Variants in PUDP observed in about 807,000 individuals in gnomAD.
PUDP encodes pseudouridine-5'-phosphatase.
A neutral mutation model predicts 9.4 loss-of-function variants in PUDP; 8 were observed. The observed-to-expected ratio is 0.85, with a 90% confidence interval of 0.50 to 1.53. PUDP has a LOEUF of 1.53. Among genes scored for constraint, PUDP ranks in the 40% most tolerant of loss-of-function variants. The pLI, the probability that PUDP is intolerant of heterozygous loss-of-function variation, is 0.00. For synonymous variants in PUDP, 99 were observed against 80.7 expected (o/e 1.23, Z -1.22); for missense variants, 188 against 189.7 (o/e 0.99, Z 0.05).
intron 3 of PUDP, among the ~76,000 whole-genome samples, chrX:6,748,210 C>T (rs1337759965): frequency 4.5e-5 from 5 of 111,812 alleles, no homozygotes; most frequent in Admixed American, 1.9e-4. Flanking sequence ...GTCCAAATCA[C>T]CACACCTGTA....
intron 3 of PUDP, among the ~76,000 whole-genome samples, chrX:6,933,570 C>T (rs992337423): frequency 1.8e-5 from 2 of 111,525 alleles, no homozygotes; most frequent in Non-Finnish European, 3.8e-5. Flanking sequence ...CTCTAAAAAG[C>T]AGAGCGCCTC....
At chrX:6,713,151 A>C (rs749773682) in intron 1 of PUDP, among the ~76,000 whole-genome samples, 1 of 112,218 alleles carries the variant, frequency 8.9e-6, no homozygotes, top group Non-Finnish European at 1.9e-5. Context: ...TCATCTTCAC[A>C]TCCCCCACAA....
At chrX:7,131,517 G>A (rs1387344126) in intron 1 of PUDP, among the ~76,000 whole-genome samples, 7 of 109,893 alleles carry the variant, frequency 6.4e-5, no homozygotes, top group African/African-American at 2.3e-4. Context: ...AGCTGAGACC[G>A]GAGCGATGCA....
At chrX:7,037,733 ATATACT>A (rs200347694) in intron 1 of PUDP, among the ~76,000 whole-genome samples, 2,835 of 112,505 alleles carry the variant, frequency 0.025, 53 homozygotes, top group Non-Finnish European at 0.037. Flanking sequence ...TGAGACAAAA[ATATACT>A]TATACTACCA....
At chrX:7,091,956 C>G (rs1931434343) in intron 2 of PUDP, among the ~76,000 whole-genome samples, 1 of 112,571 alleles carries the variant, frequency 8.9e-6, no homozygotes, top group Admixed American at 9.4e-5. Context: ...CTATAGCTCT[C>G]TACGTGATTA....
At chrX:6,837,213 T>C (rs958439733) in intron 3 of PUDP, among the ~76,000 whole-genome samples, 4 of 112,382 alleles carry the variant, frequency 3.6e-5, no homozygotes, top group African/African-American at 3.2e-5. Flanking sequence ...TGTCTTTGAG[T>C]ACATCATTCA....
At chrX:6,991,699 A>G (rs183636855) in intron 1 of PUDP, among the ~76,000 whole-genome samples, 346 of 109,675 alleles carry the variant, frequency 3.2e-3, no homozygotes, top group Middle Eastern at 9.3e-3. Context: ...AATAAAATAA[A>G]ATTTTAAAAA....
At chrX:7,082,388 C>T (rs1183591868) in intron 2 of PUDP, among the ~76,000 whole-genome samples, 1 of 112,555 alleles carries the variant, frequency 8.9e-6, no homozygotes, top group Non-Finnish European at 1.9e-5. Flanking sequence ...GTTGGGTGAT[C>T]TGGCCATCAG....
upstream of PUDP, among the ~76,000 whole-genome samples, chrX:6,724,419 C>A (rs778846540): frequency 1.0e-5 from 1 of 100,301 alleles, no homozygotes; most frequent in South Asian, 4.8e-4. Context: ...TTTCATTTCT[C>A]TTTTCTATTC....
intron 3 of PUDP, among the ~76,000 whole-genome samples, chrX:6,836,146 TTG>T (rs1342301513): frequency 7.1e-5 from 8 of 112,014 alleles, no homozygotes; most frequent in Non-Finnish European, 1.1e-4. Context: ...ATAAGTTCTT[TTG>T]TGTTTTTTAT....
rs938270148 is a variant in PUDP, at chrX:6,932,614, T to C, written c.*247+44519A>G. Among the ~76,000 whole-genome samples the C allele has an allele frequency of 4.6e-3, 464 of 101,707 alleles. 4 individuals carry two copies. Among genetic ancestry groups the C allele is most frequent in the Non-Finnish European group, 6.6e-3 (323 of 48,939 alleles). The allele number at this position is 101,707 out of a possible 115,157, so 88.3% of individuals were successfully genotyped here. ...CATCTCACTAGGGAGCGCCAGACAG[T>C]GGGCGCAGGTCAGTGGGTGCGCGCA... On this transcript the variant is annotated intron_variant and NMD_transcript_variant, in intron 3 of 3. Coordinates refer to the PUDP transcript ENST00000655425.
At chrX:6,811,383 C>T (rs778190658) in intron 3 of PUDP, among the ~76,000 whole-genome samples, 10 of 110,689 alleles carry the variant, frequency 9.0e-5, no homozygotes, top group African/African-American at 2.6e-4. Flanking sequence ...GGTGTGACCT[C>T]GGCTCACTGC....
rs1432764092 is a variant in PUDP at position 7,054,422 on chromosome X, G to A, written c.511-3950C>T. On this transcript the variant is annotated intron_variant, in intron 3 of 3. Coordinates refer to ENST00000381077, the MANE Select transcript of PUDP (RefSeq NM_012080.5). Reference sequence around the variant, plus strand: ...GAGACTCCGTCTCAAAAAAAAAAAAGAAAAAAAGAGAGAAGGTGACATAAT... The same window carrying A: ...GAGACTCCGTCTCAAAAAAAAAAAAAAAAAAAAGAGAGAAGGTGACATAAT... Among the ~76,000 whole-genome samples, 504 of 105,348 alleles carry A rather than the reference G, an allele frequency of 4.8e-3. 1 individual carries two copies. The highest frequency in any genetic ancestry group is 0.016 in the African/African-American group (479 of 29,357). 91.5% of individuals were successfully genotyped at this position (105,348 alleles called of 115,157 possible).
chrX:7,100,637 C>T, intron 2 of PUDP, among the ~76,000 whole-genome samples: 1 of 111,929 alleles, frequency 8.9e-6, no homozygotes, highest in Non-Finnish European at 1.9e-5. Flanking sequence ...TGAATCTAGT[C>T]ACCAGAGCAA....
At chrX:7,102,047 C>T (rs1218691768) in intron 2 of PUDP, among the ~76,000 whole-genome samples, 1 of 110,787 alleles carries the variant, frequency 9.0e-6, no homozygotes, top group Non-Finnish European at 1.9e-5. Context: ...AGTAAGGAGA[C>T]TGAATCAGTA....
chrX:6,987,741 GATACC>G (rs1396255430), intron 1 of PUDP, among the ~76,000 whole-genome samples: 1 of 112,146 alleles, frequency 8.9e-6, no homozygotes, highest in Non-Finnish European at 1.9e-5. Context: ...CATTGAGACA[GATACC>G]ATATGGCCCA....
At chrX:7,101,802 A>T in intron 2 of PUDP, among the ~76,000 whole-genome samples, 1 of 111,919 alleles carries the variant, frequency 8.9e-6, no homozygotes, top group East Asian at 2.8e-4. Context: ...AAAAACACTC[A>T]TATGACTAAA....
At chrX:6,895,099 G>A (rs781403749) in intron 3 of PUDP, among the ~76,000 whole-genome samples, 30 of 110,196 alleles carry the variant, frequency 2.7e-4, no homozygotes, top group Admixed American at 5.9e-4. Flanking sequence ...TGTCGGTCCT[G>A]AGGAGGTGGG....
intron 1 of PUDP, among the ~76,000 whole-genome samples, chrX:6,995,018 A>C (rs1263569830): frequency 2.7e-5 from 3 of 111,882 alleles, no homozygotes; most frequent in Non-Finnish European, 1.9e-5. Context: ...AAATGACAGG[A>C]AGGGCACAAA....
Sources: gnomAD v4.1 joint callset for allele counts (sites outside exome capture counted in the v4.1 genomes callset) on GRCh38, gnomAD v4.1.1 for gene constraint, MANE v1.5 for transcripts, NCBI Gene and HGNC (gene_info 2026-07-23, HGNC 2026-07-21) for gene names.